The following ERC2 variants were observed in gnomAD, a reference collection of about 807,000 sequenced individuals.
ERC2 encodes the protein ELKS/RAB6-interacting/CAST family member 2, also known as ERC protein 2.
ERC2 carries 42 observed loss-of-function variants against 114.8 expected under a neutral mutation model. The ratio of observed to expected loss-of-function variants is 0.37; its 90% CI spans 0.29 to 0.47. The LOEUF (loss-of-function observed/expected upper bound fraction) is 0.47, where lower values mean the gene tolerates loss of function less well. ERC2 is among the 20% of genes least tolerant of loss of function. The pLI, the probability that ERC2 is intolerant of heterozygous loss-of-function variation, is 0.99. For missense variants in ERC2, 939 were observed against 1,150.7 expected, an observed-to-expected ratio of 0.82 and a Z score of 2.66; for synonymous variants, 454 against 425.5, an observed-to-expected ratio of 1.07 and a Z score of -0.82.
chr3:55,834,152 T>A (rs1331981258), intron 14 of ERC2, among the ~76,000 whole-genome samples: 6 of 151,524 alleles, frequency 4.0e-5, no homozygotes, highest in African/African-American at 7.3e-5. Context: ...CTCCCACACA[T>A]TAATAATGGG....
intron 2 of ERC2, among the ~76,000 whole-genome samples, chr3:56,410,811 G>A (rs6768071): frequency 0.35 from 52,899 of 151,872 alleles, 9,490 homozygotes; most frequent in Admixed American, 0.47. Context: ...CTTGATTACA[G>A]CAGATATCAT....
intron 13 of ERC2, among the ~76,000 whole-genome samples, chr3:55,927,055 T>G (rs775172312): frequency 7.9e-5 from 12 of 152,326 alleles, no homozygotes; most frequent in Non-Finnish European, 1.8e-4. Flanking sequence ...AGTTCTAAGT[T>G]GGACCCCTGT....
intron 17 of ERC2, among the ~76,000 whole-genome samples, chr3:55,557,150 G>C (rs1031687381): frequency 6.6e-6 from 1 of 152,226 alleles, no homozygotes; most frequent in East Asian, 1.9e-4. Context: ...TTTAGGCCAG[G>C]AAAAGGATTC....
intron 16 of ERC2, among the ~76,000 whole-genome samples, chr3:55,691,173 T>G (rs1226487777): frequency 6.6e-6 from 1 of 152,118 alleles, no homozygotes; most frequent in Non-Finnish European, 1.5e-5. Context: ...CACTTTCTAG[T>G]AGTTTTGGGG....
intron 13 of ERC2, among the ~76,000 whole-genome samples, chr3:55,945,704 CT>C (rs199616735): frequency 2.2e-4 from 32 of 147,652 alleles, no homozygotes; most frequent in Middle Eastern, 3.4e-3. Flanking sequence ...GCCTTTCTAG[CT>C]TTTTTTTTTA....
rs2061377232 is a variant in ERC2, at chr3:56,421,224, A to G, written c.657+13127T>C. ...TTAACAGAAGCTAACTATTCAGACTATAAAAGTCTTCTGGATTCGTCTTGG... is the reference window on the plus strand; with the variant it reads ...TTAACAGAAGCTAACTATTCAGACTGTAAAAGTCTTCTGGATTCGTCTTGG... On this transcript the variant is annotated intron_variant, in intron 2 of 17. Coordinates refer to ENST00000288221, the MANE Select transcript of ERC2 (RefSeq NM_015576.3). Among the ~76,000 whole-genome samples the G allele has an allele frequency of 2.0e-5, 3 of 152,246 alleles. No individual in the cohort carries two copies. In the South Asian group the frequency reaches 6.2e-4, roughly 32 times the overall value.
intron 2 of ERC2, among the ~76,000 whole-genome samples, chr3:56,428,152 G>A (rs1163536830): frequency 1.3e-5 from 2 of 152,142 alleles, no homozygotes; most frequent in African/African-American, 2.4e-5. Context: ...ACTTCCAATT[G>A]GCACAACTCA....
chr3:56,120,289 G>C (rs1218145511), intron 6 of ERC2, among the ~76,000 whole-genome samples: 2 of 152,122 alleles, frequency 1.3e-5, no homozygotes, highest in Non-Finnish European at 2.9e-5. Context: ...CGCTCAGCCA[G>C]TTTCTCTGAT....
At chr3:55,632,395 A>AT (rs1394458087) in intron 17 of ERC2, among the ~76,000 whole-genome samples, 13 of 152,188 alleles carry the variant, frequency 8.5e-5, no homozygotes, top group Non-Finnish European at 1.9e-4. Context: ...GTTCAAGCTC[A>AT]TATTTTTTTT....
intron 4 of ERC2, 28 bp downstream of exon 4, chr3:56,173,418 G>A (rs757384691): frequency 1.3e-5 from 21 of 1,607,252 alleles, no homozygotes; most frequent in Non-Finnish European, 1.7e-5. Flanking sequence ...AGGCATAACT[G>A]TTTCTGACAA....
rs1176390992 is a variant in ERC2 at position 55,810,228 on chromosome 3, G to GC, written c.2565-75311_2565-75310insG. Among the ~76,000 whole-genome samples the GC allele has an allele frequency of 2.0e-5, 3 of 151,800 alleles. No homozygotes were observed. The East Asian group carries it at 5.8e-4, about 29-fold the overall frequency. On this transcript the variant is annotated intron_variant, in intron 14 of 17. Coordinates refer to ENST00000288221, the MANE Select transcript of ERC2 (RefSeq NM_015576.3). ...CATAGAAGAAAATCCAAAATATAAA[G>GC]ATAAGGAAAAATAAAAACAACAAAC...
rs149042768 is a variant in ERC2, at chr3:56,316,658, AT to A, written c.658-20224del. On this transcript the variant is annotated intron_variant, in intron 2 of 17. Coordinates refer to ENST00000288221, the MANE Select transcript of ERC2 (RefSeq NM_015576.3). ...TATACAGTAAATAACCTCTCTTAAT[AT>A]TATAACTAGTATTAAGAGTAAAAAT... Among the ~76,000 whole-genome samples the A allele has an allele frequency of 4.5e-3, 678 of 152,314 alleles. 6 individuals are homozygous for A. Among genetic ancestry groups the A allele is most frequent in the African/African-American group, 0.015 (644 of 41,572 alleles).
At chr3:56,107,258 T>G (rs2078715362) in intron 6 of ERC2, among the ~76,000 whole-genome samples, 1 of 142,090 alleles carries the variant, frequency 7.0e-6, no homozygotes, top group Non-Finnish European at 1.5e-5. Flanking sequence ...AATCATTAAA[T>G]CCACTTTTTT....
At chr3:55,642,117 C>T (rs1282518926) in intron 17 of ERC2, among the ~76,000 whole-genome samples, 3 of 152,144 alleles carry the variant, frequency 2.0e-5, no homozygotes, top group African/African-American at 7.2e-5. Context: ...AATGAATAAA[C>T]AATGAGGAAT....
chr3:55,594,257 A>C (rs913573333), intron 17 of ERC2, among the ~76,000 whole-genome samples: 5 of 152,206 alleles, frequency 3.3e-5, no homozygotes, highest in Non-Finnish European at 5.9e-5. Context: ...GGTGTCCTAA[A>C]GTATCTTTAG....
At chr3:55,539,658 A>C (rs2054255664) in intron 17 of ERC2, among the ~76,000 whole-genome samples, 1 of 150,850 alleles carries the variant, frequency 6.6e-6, no homozygotes, top group Non-Finnish European at 1.5e-5. Context: ...TGATCTCCTG[A>C]CCTCGTGATC....
chr3:56,103,743 G>GTATCTATCTATCTATCTATC (rs58839474), intron 6 of ERC2, among the ~76,000 whole-genome samples: 3 of 149,058 alleles, frequency 2.0e-5, no homozygotes, highest in Non-Finnish European at 4.5e-5. Flanking sequence ...AACTAGAAGT[G>GTATCTATCTATCTATCTATC]TATCTATCTA....
chr3:55,994,811 A>G (rs935396943), intron 10 of ERC2, among the ~76,000 whole-genome samples: 1 of 152,190 alleles, frequency 6.6e-6, no homozygotes, highest in African/African-American at 2.4e-5. Flanking sequence ...ATGAATTCAT[A>G]GTCTTTTCAA....
At chr3:56,382,874 T>C (rs1438377939) in intron 2 of ERC2, among the ~76,000 whole-genome samples, 1 of 152,154 alleles carries the variant, frequency 6.6e-6, no homozygotes, top group Non-Finnish European at 1.5e-5. Context: ...TTCACTTGGA[T>C]GTCTAATAGA....
Sources: allele counts gnomAD v4.1 joint callset (sites outside exome capture counted in the v4.1 genomes callset), GRCh38; gene constraint gnomAD v4.1.1; transcripts MANE v1.5; gene names NCBI Gene and HGNC (gene_info 2026-07-23, HGNC 2026-07-21).